USH2A: variants seen among roughly 807,000 people sequenced by gnomAD.
USH2A encodes the protein Usher syndrome 2A (autosomal recessive, mild).
USH2A carries 443 observed loss-of-function variants against 538.9 expected under a neutral mutation model. The observed-to-expected ratio is 0.82, with a 90% CI of 0.76 to 0.89. USH2A has a LOEUF of 0.89. USH2A is among the 40% of genes least tolerant of loss of function. The pLI is 0.00. For synonymous variants in USH2A, 2,413 were observed against 2,273.5 expected, an observed-to-expected ratio of 1.06 and a Z score of -1.75; for missense variants, 6,633 against 6,324.8, an observed-to-expected ratio of 1.05 and a Z score of -1.65.
chr1:216,407,670 G>C (rs912860974), intron 3 of USH2A, among the ~76,000 whole-genome samples: 3 of 152,090 alleles, frequency 2.0e-5, no homozygotes, highest in African/African-American at 7.2e-5. Context: ...TATGCACACT[G>C]TTCTTCCTGA....
intron 60 of USH2A, among the ~76,000 whole-genome samples, chr1:215,741,070 C>CAAATAT (rs1230494905): frequency 1.3e-5 from 2 of 152,082 alleles, no homozygotes; most frequent in East Asian, 3.9e-4. Context: ...CTGTTCTGCC[C>CAAATAT]CATCACTAAA....
intron 32 of USH2A, among the ~76,000 whole-genome samples, chr1:216,044,678 G>A (rs1371499834): frequency 6.6e-6 from 1 of 152,038 alleles, no homozygotes. Flanking sequence ...TACAAATTCA[G>A]AAACTAAGAC....
chr1:215,633,307 A>T (rs563002351), intron 70 of USH2A, among the ~76,000 whole-genome samples: 1 of 152,198 alleles, frequency 6.6e-6, no homozygotes, highest in East Asian at 1.9e-4. Context: ...CAAGGCCCTG[A>T]TGGTGTTGGG....
In USH2A at chr1:216,200,094, A is replaced by C. The variant is rs151122789; in HGVS notation, c.3344T>G (p.Leu1115Arg). 2.2e-5 allele frequency: 35 copies of C among 1,613,236 alleles called. No homozygotes were observed. The highest frequency in any genetic ancestry group is 4.0e-5 in the African/African-American group (3 of 74,830). The change falls in exon 17 of 72, where the codon CTG (leucine) becomes CGG (arginine). Residue 1115 changes from leucine to arginine, a missense_variant. Coordinates refer to ENST00000307340, the MANE Select transcript of USH2A (RefSeq NM_206933.4). The stretch of plus-strand genomic sequence containing the variant: ...ATAGGAATATTTGGTATATGGTAAC[A>C]GGTCTGTGTCTAAGAAGTATTGAAT... ...YSIQYFLDTD[L>R]LPYTKYSYYI...
chr1:215,630,646 A>T (rs970222350), intron 70 of USH2A, among the ~76,000 whole-genome samples: 3 of 150,934 alleles, frequency 2.0e-5, no homozygotes, highest in African/African-American at 4.9e-5. Context: ...TGAGGTCAGG[A>T]GTTCGAGACC....
chr1:216,281,607 T>C (rs2036778072), intron 11 of USH2A, among the ~76,000 whole-genome samples: 1 of 152,148 alleles, frequency 6.6e-6, no homozygotes, highest in South Asian at 2.1e-4. Flanking sequence ...TATACTACAT[T>C]TTATCTATTC....
At chr1:215,949,365 G>A (rs1666854669) in intron 37 of USH2A, among the ~76,000 whole-genome samples, 1 of 151,964 alleles carries the variant, frequency 6.6e-6, no homozygotes, top group African/African-American at 2.4e-5. Context: ...AAGAATTAAT[G>A]TATAAGAAGG....
chr1:216,089,586 C>T (rs1258189609), intron 22 of USH2A, among the ~76,000 whole-genome samples: 3 of 151,954 alleles, frequency 2.0e-5, no homozygotes, highest in Admixed American at 6.6e-5. Context: ...CTTATCTTCA[C>T]AAAATTATCA....
intron 32 of USH2A, among the ~76,000 whole-genome samples, chr1:216,004,443 T>A (rs1387881913): frequency 6.6e-6 from 1 of 152,066 alleles, no homozygotes; most frequent in East Asian, 1.9e-4. Context: ...TTTTAAGAGT[T>A]AAAGGTGAAA....
intron 61 of USH2A, among the ~76,000 whole-genome samples, chr1:215,713,787 A>G (rs1397425649): frequency 1.3e-5 from 2 of 152,218 alleles, no homozygotes; most frequent in African/African-American, 4.8e-5. Context: ...TTGAACTATA[A>G]TTTGTGGCTT....
intron 40 of USH2A, among the ~76,000 whole-genome samples, chr1:215,896,746 T>G (rs897538759): frequency 6.6e-6 from 1 of 152,188 alleles, no homozygotes; most frequent in African/African-American, 2.4e-5. Context: ...GCAAGTGCCT[T>G]CATTTTATTA....
chr1:215,993,848 C>A (rs1039681302), intron 34 of USH2A, among the ~76,000 whole-genome samples: 4 of 152,146 alleles, frequency 2.6e-5, no homozygotes, highest in African/African-American at 9.7e-5. Flanking sequence ...GATCACAGAA[C>A]TCTCTGTTCC....
intron 9 of USH2A, among the ~76,000 whole-genome samples, chr1:216,318,642 G>A (rs1422499614): frequency 2.0e-5 from 3 of 151,990 alleles, no homozygotes; most frequent in African/African-American, 7.3e-5. Flanking sequence ...TAAAATTTAT[G>A]GCTAAATTCA....
chr1:216,105,193 GCTTT>G (rs372223309), intron 21 of USH2A, among the ~76,000 whole-genome samples: 12 of 152,008 alleles, frequency 7.9e-5, no homozygotes, highest in Non-Finnish European at 1.5e-4. Flanking sequence ...AATGGTTAGC[GCTTT>G]GTTTGTACCT....
intron 21 of USH2A, among the ~76,000 whole-genome samples, chr1:216,134,399 T>A (rs755288603): frequency 2.0e-5 from 3 of 151,898 alleles, no homozygotes; most frequent in Non-Finnish European, 4.4e-5. Context: ...ATTAATTAAT[T>A]AATATGGAGA....
At chr1:215,941,823 C>G in intron 37 of USH2A, among the ~76,000 whole-genome samples, 1 of 152,198 alleles carries the variant, frequency 6.6e-6, no homozygotes, top group East Asian at 1.9e-4. Context: ...AGAAGAGCAA[C>G]GACTTGGGGG....
chr1:216,348,198 A>G (rs12084263), intron 4 of USH2A, among the ~76,000 whole-genome samples: 2,770 of 152,290 alleles, frequency 0.018, 89 homozygotes, highest in African/African-American at 0.061. Flanking sequence ...TTATGACAAT[A>G]GATATTTGCA....
At chr1:216,322,628 A>T (rs1275246116) in intron 8 of USH2A, among the ~76,000 whole-genome samples, 1 of 151,954 alleles carries the variant, frequency 6.6e-6, no homozygotes, top group Admixed American at 6.6e-5. Context: ...AAAGAAAGAA[A>T]AAAGAATATA....
At chr1:215,724,273 C>G (rs1659747125) in intron 61 of USH2A, among the ~76,000 whole-genome samples, 1 of 151,750 alleles carries the variant, frequency 6.6e-6, no homozygotes, top group South Asian at 2.1e-4. Context: ...TAGAATACTA[C>G]TCAGCCATAA....
Sources: gnomAD v4.1 joint callset for allele counts (sites outside exome capture counted in the v4.1 genomes callset) on GRCh38, gnomAD v4.1.1 for gene constraint, MANE v1.5 for transcripts, NCBI Gene and HGNC (gene_info 2026-07-23, HGNC 2026-07-21) for gene names.